Variants in GOLGA4 observed in about 807,000 individuals in gnomAD.
GOLGA4 encodes the protein golgin A4.
A neutral mutation model predicts 265.9 loss-of-function variants in GOLGA4; 169 were observed. The observed-to-expected ratio is 0.64, with a 90% CI of 0.56 to 0.72. The LOEUF is 0.72. GOLGA4 is among the 30% of genes least tolerant of loss of function. GOLGA4 has a pLI of 0.00. For synonymous variants in GOLGA4, 923 were observed against 855.8 expected, an observed-to-expected ratio of 1.08 and a Z score of -1.37; for missense variants, 2,482 against 2,483.4, an observed-to-expected ratio of 1.00 and a Z score of 0.01.
intron 5 of GOLGA4, among the ~76,000 whole-genome samples, chr3:37,293,523 C>T (rs911873498): frequency 6.6e-6 from 1 of 152,114 alleles, no homozygotes; most frequent in Non-Finnish European, 1.5e-5. Flanking sequence ...CAGGGATTAA[C>T]AAAGATAAGT....
At chr3:37,341,604 A>G (rs1313425467) in intron 20 of GOLGA4, 2 of 152,216 alleles carry the variant, frequency 1.3e-5, no homozygotes, top group Admixed American at 6.5e-5. Flanking sequence ...ATTATTTACT[A>G]TAGCTAAGTC....
At chr3:37,362,230 TTTATTTA>T (rs1429586112) in intron 23 of GOLGA4, among the ~76,000 whole-genome samples, 9 of 121,252 alleles carry the variant, frequency 7.4e-5, no homozygotes, top group African/African-American at 2.5e-4. Context: ...TATTTATTTA[TTTATTTA>T]TTATTTTTTT....
At chr3:37,304,035 CTG>C (rs1439863241) in intron 10 of GOLGA4, among the ~76,000 whole-genome samples, 1 of 152,046 alleles carries the variant, frequency 6.6e-6, no homozygotes, top group Non-Finnish European at 1.5e-5. Flanking sequence ...GACTCAGAGT[CTG>C]TGCTCTTAAC....
At chr3:37,340,382 A>G (rs1177967665) in intron 20 of GOLGA4, among the ~76,000 whole-genome samples, 183 bp downstream of exon 20, 1 of 152,174 alleles carries the variant, frequency 6.6e-6, no homozygotes, top group Non-Finnish European at 1.5e-5. Flanking sequence ...TTTGAGTTAT[A>G]GATTCATTGT....
Position 37,243,628 on chromosome 3 carries a change from A to C in GOLGA4, c.72+6A>C, listed in dbSNP as rs780077953. On this transcript the variant is annotated splice_donor_region_variant and intron_variant, in intron 1 of 23. Coordinates refer to ENST00000361924, the MANE Select transcript of GOLGA4 (RefSeq NM_002078.5). ...AGGCGCTGGCTCCTGCTCAGGTACG[A>C]TGGCCGCCGCTCTCCTCCCCTGGTT... 186 of 1,608,434 alleles carry C rather than the reference A, an allele frequency of 1.2e-4. No individual in the cohort carries two copies. The highest frequency in any genetic ancestry group is 1.5e-4 in the Non-Finnish European group (178 of 1,176,782).
chr3:37,323,854 G>C lies in GOLGA4; in HGVS notation c.1968G>C (p.Leu656Phe). Reference sequence around the variant, plus strand: ...AGTGTGAACAAGAAAAAGAAACATTGTTGAAAGACAAAGAGATTATCTTCC... The same window carrying C: ...AGTGTGAACAAGAAAAAGAAACATTCTTGAAAGACAAAGAGATTATCTTCC... ...REKCEQEKET[L>F]LKDKEIIFQA... Residue 656 changes from leucine (L) to phenylalanine (F), a missense_variant, in exon 14 of 24, where the codon TTG becomes TTC. Leu to Phe is a conservative substitution (Grantham distance 22). Coordinates refer to ENST00000361924, the MANE Select transcript of GOLGA4 (RefSeq NM_002078.5). The C allele has an allele frequency of 6.2e-7, 1 of 1,611,184 alleles. No homozygotes were observed. Among genetic ancestry groups the C allele is most frequent in the Non-Finnish European group, 8.5e-7 (1 of 1,179,426 alleles).
chr3:37,348,418 A>G (rs913009407), intron 21 of GOLGA4, among the ~76,000 whole-genome samples: 9 of 152,000 alleles, frequency 5.9e-5, no homozygotes, highest in South Asian at 4.1e-4. Context: ...TTTTTCCTCA[A>G]TGCCATTTTT....
intron 1 of GOLGA4, among the ~76,000 whole-genome samples, chr3:37,246,306 CAAAA>C (rs58075364): frequency 8.0e-5 from 6 of 75,468 alleles, no homozygotes; most frequent in Non-Finnish European, 1.4e-4. Flanking sequence ...GACTCCGTCT[CAAAA>C]AAAAAAAAAA....
chr3:37,318,846 A>G (rs995933952), intron 11 of GOLGA4, among the ~76,000 whole-genome samples: 1 of 152,200 alleles, frequency 6.6e-6, no homozygotes, highest in Non-Finnish European at 1.5e-5. Context: ...CAGTAGCAGC[A>G]CTTGTCTTAA....
At chr3:37,356,432 G>A (rs193025180) in intron 22 of GOLGA4, among the ~76,000 whole-genome samples, 6 of 152,156 alleles carry the variant, frequency 3.9e-5, no homozygotes, top group Non-Finnish European at 7.4e-5. Context: ...ATTTTCTGAG[G>A]CATTTGCTAT....
intron 12 of GOLGA4, 110 bp downstream of exon 12, chr3:37,319,304 A>G: frequency 1.2e-6 from 1 of 801,664 alleles, no homozygotes; most frequent in Non-Finnish European, 2.0e-6. Context: ...GGCAGTCTTG[A>G]CGTTTGGGTA....
chr3:37,295,006 A>AAAC lies in GOLGA4; in HGVS notation c.612_614dup (p.Lys204_His205insGln), dbSNP rs1371221020. On this transcript the variant is annotated inframe_insertion, in exon 6 of 24. Coordinates refer to ENST00000361924, the MANE Select transcript of GOLGA4 (RefSeq NM_002078.5). ...GCTCCAAATGGACCAGCAGGCAAAG[A>AAAC]AACATCTGCAAGAGGAGTTTGATGC... 6.2e-7 allele frequency: 1 copy of AAAC among 1,610,486 alleles called. No individual in the cohort carries two copies. Among genetic ancestry groups the AAAC allele is most frequent in the Non-Finnish European group, 8.5e-7 (1 of 1,177,636 alleles).
At chr3:37,362,674 T>G (rs886159816) in intron 23 of GOLGA4, among the ~76,000 whole-genome samples, 1 of 151,746 alleles carries the variant, frequency 6.6e-6, no homozygotes, top group Admixed American at 6.6e-5. Flanking sequence ...TAACTGGGAC[T>G]CTAAGGCACC....
At chr3:37,295,435 T>A (rs1178028740) in intron 6 of GOLGA4, among the ~76,000 whole-genome samples, 1 of 152,200 alleles carries the variant, frequency 6.6e-6, no homozygotes, top group Non-Finnish European at 1.5e-5. Flanking sequence ...CCCAGGCTGG[T>A]CTCAAACCCC....
Position 37,323,648 on chromosome 3 carries a change from A to C in GOLGA4, c.1762A>C (p.Lys588Gln). The C allele has an allele frequency of 1.9e-6, 3 of 1,587,504 alleles. No homozygotes were observed. In the South Asian group the frequency reaches 3.5e-5, roughly 19 times the overall value. The stretch of plus-strand genomic sequence containing the variant: ...CTTACAAGAAAACAAAAATCAGTCA[A>C]AAGATTTGGCTGTTCATCTGGAAGC... ...KSLQENKNQSKDLAVHLEAEK... is the reference protein window; with the variant it reads ...KSLQENKNQSQDLAVHLEAEK... Residue 588 changes from lysine (K) to glutamine (Q), a missense_variant, in exon 14 of 24, where the codon AAA (lysine) becomes CAA (glutamine). This residue lies in a region of GOLGA4 where 1,536 missense variants were observed against 1,483.7 expected (regional missense o/e 1.04). Coordinates refer to ENST00000361924, the MANE Select transcript of GOLGA4 (RefSeq NM_002078.5).
At chr3:37,265,728 A>G (rs1439050404) in intron 2 of GOLGA4, among the ~76,000 whole-genome samples, 2 of 152,200 alleles carry the variant, frequency 1.3e-5, no homozygotes, top group African/African-American at 2.4e-5. Flanking sequence ...AAGAAGTAAC[A>G]TAAGATCTAC....
At chr3:37,252,500 A>T (rs888516144) in intron 2 of GOLGA4, among the ~76,000 whole-genome samples, 2 of 152,148 alleles carry the variant, frequency 1.3e-5, no homozygotes, top group South Asian at 2.1e-4. Context: ...TTTGGAGTAG[A>T]ATCACTGCTC....
intron 10 of GOLGA4, among the ~76,000 whole-genome samples, chr3:37,305,165 C>T (rs116088913): frequency 0.016 from 2,438 of 152,224 alleles, 31 homozygotes; most frequent in South Asian, 0.049. Context: ...GTAATCCACC[C>T]TCCTTGGCCT....
chr3:37,287,166 C>G (rs1012289290), intron 4 of GOLGA4, among the ~76,000 whole-genome samples: 1 of 152,116 alleles, frequency 6.6e-6, no homozygotes, highest in African/African-American at 2.4e-5. Flanking sequence ...CATGATGAAA[C>G]CCTGTCTCTA....
Sources: allele counts gnomAD v4.1 joint callset (sites outside exome capture counted in the v4.1 genomes callset), GRCh38; gene constraint gnomAD v4.1.1; regional missense constraint gnomAD v4.1.1; transcripts MANE v1.5; gene names NCBI Gene and HGNC (gene_info 2026-07-23, HGNC 2026-07-21).